TIAM2: variants seen among roughly 807,000 people sequenced by gnomAD.
The protein encoded by TIAM2 is TIAM Rac1 associated GEF 2, also known as rho guanine nucleotide exchange factor TIAM2.
Under a neutral mutation model 152.9 loss-of-function variants are expected in TIAM2, and 80 were observed. The ratio of observed to expected loss-of-function variants is 0.52; its 90% CI spans 0.44 to 0.63. TIAM2 has a LOEUF of 0.63. Ranked by LOEUF, TIAM2 falls within the 30% of genes least tolerant of loss-of-function variation. The pLI, the probability that TIAM2 is intolerant of heterozygous loss-of-function variation, is 0.00. For missense variants in TIAM2, 1,965 were observed against 2,120.1 expected (o/e 0.93, Z 1.44); for synonymous variants, 804 against 838.0 (o/e 0.96, Z 0.70).
At chr6:155,069,911 C>CTT (rs36093906) in intron 1 of TIAM2, among the ~76,000 whole-genome samples, 2,327 of 125,578 alleles carry the variant, frequency 0.019, 34 homozygotes, top group Non-Finnish European at 0.021. Flanking sequence ...CATTTCTTTT[C>CTT]TTTTTTTTTT....
Position 155,211,299 on chromosome 6 carries a change from A to G in TIAM2, c.3160A>G (p.Thr1054Ala), listed in dbSNP as rs1183559553. ...QVSHREKMEQ[T>A]FRSAEQITAL... ...TTCCCACAGGGAGAAAATGGAGCAG[A>G]CATTCAGGGTAAGATACTGGCCCAA... Residue 1054 changes from threonine to alanine, a missense_variant, in exon 15 of 27, where the codon ACA becomes GCA. Thr to Ala is a moderately conservative substitution (Grantham distance 58). Around this residue, in one of 3 missense-constraint regions of TIAM2, gnomAD observed 935 missense variants for 980.0 expected, o/e 0.95. Coordinates refer to ENST00000682666, the MANE Select transcript of TIAM2 (RefSeq NM_012454.4). 1 of 1,613,274 alleles carries G rather than the reference A, an allele frequency of 6.2e-7. No homozygotes were observed. The highest frequency in any genetic ancestry group is 8.5e-7 in the Non-Finnish European group (1 of 1,179,316).
chr6:155,212,835 G>A (rs1168360873), intron 15 of TIAM2, among the ~76,000 whole-genome samples: 1 of 152,202 alleles, frequency 6.6e-6, no homozygotes, highest in Non-Finnish European at 1.5e-5. Context: ...TGTGGGGTCT[G>A]GCCACCACAC....
chr6:155,195,799 G>T (rs561649253), intron 14 of TIAM2, among the ~76,000 whole-genome samples: 1 of 152,232 alleles, frequency 6.6e-6, no homozygotes, highest in African/African-American at 2.4e-5. Context: ...GTGGCCGTCA[G>T]GGGGCAAAGC....
rs183280293 is a variant in TIAM2 at position 155,186,681 on chromosome 6, C to T, written c.3064+3181C>T. Among the ~76,000 whole-genome samples, 21 of 152,304 alleles carry T rather than the reference C, an allele frequency of 1.4e-4. No homozygotes were observed. The highest frequency in any genetic ancestry group is 3.4e-4 in the African/African-American group (14 of 41,554). On this transcript the variant is annotated intron_variant, in intron 14 of 26. Transcript: ENST00000682666. The surrounding 1 kb of genome is among the most constrained non-coding windows in gnomAD (Gnocchi z 4.5). ...AAACGTGCTTCTCCTCCTCCTCCCT[C>T]GCTTTTGCAGCTTCCTGTTTTATTA...
chr6:155,199,755 A>G (rs1013053637), intron 14 of TIAM2, among the ~76,000 whole-genome samples: 14 of 152,188 alleles, frequency 9.2e-5, no homozygotes, highest in African/African-American at 2.9e-4. Flanking sequence ...TTCCCTCCTT[A>G]AATAGAGTCA....
chr6:155,144,892 G>A, intron 6 of TIAM2, 114 bp downstream of exon 6: 2 of 1,278,800 alleles, frequency 1.6e-6, no homozygotes, highest in South Asian at 2.9e-5. Flanking sequence ...TTAGGCTTTG[G>A]ATTTGGCCTT....
chr6:155,070,209 CTTTTTTTTTT>C (rs559307371), intron 1 of TIAM2, among the ~76,000 whole-genome samples: 1 of 44,126 alleles, frequency 2.3e-5, no homozygotes, highest in Non-Finnish European at 3.7e-5. Flanking sequence ...CCTGGCCAGA[CTTTTTTTTTT>C]TTTTTTTTTT....
intron 2 of TIAM2, among the ~76,000 whole-genome samples, chr6:155,104,540 G>A (rs1219055327): frequency 2.6e-5 from 4 of 152,220 alleles, no homozygotes; most frequent in East Asian, 3.9e-4. Flanking sequence ...GGCAGATCAT[G>A]AGGTCAGGAG....
Position 155,248,052 on chromosome 6 carries a change from G to C in TIAM2, c.3705G>C (p.Lys1235Asn). ...KAFLDARNPT[K>N]QHSSTLESYL... ...TTCTGGACGCCCGGAACCCCACCAAGCAGCATTCCTCCACGCTGGAGTCCT... is the reference window on the plus strand; with the variant it reads ...TTCTGGACGCCCGGAACCCCACCAACCAGCATTCCTCCACGCTGGAGTCCT... Residue 1235 changes from lysine (K) to asparagine (N), a missense_variant, in exon 20 of 27, where the codon AAG becomes AAC. Physicochemically the swap from Lys to Asn is moderately conservative, Grantham distance 94. Transcript: ENST00000682666. The C allele has an allele frequency of 6.2e-7, 1 of 1,614,214 alleles. No individual in the cohort carries two copies. Among genetic ancestry groups the C allele is most frequent in the Non-Finnish European group, 8.5e-7 (1 of 1,180,030 alleles).
chr6:155,129,717 C>T lies in TIAM2; in HGVS notation c.494C>T (p.Thr165Met), dbSNP rs375863554. The T allele has an allele frequency of 1.2e-4, 189 of 1,613,972 alleles. No homozygotes were observed. Among genetic ancestry groups the T allele is most frequent in the East Asian group, 6.9e-4 (31 of 44,890 alleles). Residue 165 changes from threonine (T) to methionine (M), a missense_variant, in exon 4 of 27, where the codon ACG becomes ATG. Thr to Met is a moderately conservative substitution (Grantham distance 81). This residue lies in a region of TIAM2 where 1,025 missense variants were observed against 1,119.4 expected (regional missense o/e 0.92). Coordinates refer to ENST00000682666, the MANE Select transcript of TIAM2 (RefSeq NM_012454.4). The surrounding 1 kb of genome is among the most constrained non-coding windows in gnomAD (Gnocchi z 4.8). ...DRKSPRVLIK[T>M]LGKLDGCLRV... ...AAGAGCCCCCGAGTGCTCATCAAAACGCTGGGGAAGCTGGATGGGTGTTTA... is the reference window on the plus strand; with the variant it reads ...AAGAGCCCCCGAGTGCTCATCAAAATGCTGGGGAAGCTGGATGGGTGTTTA...
Position 155,218,285 on chromosome 6 carries a change from C to T in TIAM2, c.3168+6978C>T, listed in dbSNP as rs927674297. ...TTTTAATGCACGGAGAGATGGCCTC[C>T]TCAAGGCAAACGCTTTGTCCCTGAA... On this transcript the variant is annotated intron_variant, in intron 15 of 26. Transcript: ENST00000682666. The surrounding 1 kb of genome is among the most constrained non-coding windows in gnomAD (Gnocchi z 4.5). 2.0e-5 allele frequency among the ~76,000 whole-genome samples: 3 copies of T among 152,308 alleles called. No individual in the cohort carries two copies. The highest frequency in any genetic ancestry group is 4.8e-5 in the African/African-American group (2 of 41,550).
At chr6:155,244,816 A>G in intron 18 of TIAM2, 33 bp downstream of exon 18, 1 of 1,580,720 alleles carries the variant, frequency 6.3e-7, no homozygotes, top group Non-Finnish European at 8.6e-7. Flanking sequence ...TAAAGTAAAA[A>G]TACGTGGCTA....
In TIAM2 at chr6:155,129,595, A is replaced by G. The variant is rs1779388838; in HGVS notation, c.372A>G (p.Ala124=). 1.2e-6 allele frequency: 2 copies of G among 1,614,050 alleles called. No homozygotes were observed. Among genetic ancestry groups the G allele is most frequent in the Admixed American group, 1.7e-5 (1 of 60,006 alleles). ...TCCACTCTGTTGGCCACGAGCTGGCAGATAACCACATCACCTCCAGAGACT... is the reference window on the plus strand; with the variant it reads ...TCCACTCTGTTGGCCACGAGCTGGCGGATAACCACATCACCTCCAGAGACT... The part of the protein sequence containing the change: ...NGFHSVGHEL[A]DNHITSRDCN... The change falls in exon 4 of 27, where the codon GCA becomes GCG. Residue 124 remains alanine, a synonymous_variant. Transcript: ENST00000682666. The surrounding 1 kb of genome is among the most constrained non-coding windows in gnomAD (Gnocchi z 4.8).
intron 2 of TIAM2, among the ~76,000 whole-genome samples, chr6:155,092,642 G>A (rs773609606): frequency 8.3e-4 from 126 of 151,782 alleles, no homozygotes; most frequent in Non-Finnish European, 1.6e-3. Context: ...GATCACCTGA[G>A]GTCGGGAGTT....
At chr6:155,172,665 T>TAG (rs1780629075) in intron 9 of TIAM2, among the ~76,000 whole-genome samples, 1 of 8,066 alleles carries the variant, frequency 1.2e-4, no homozygotes, top group African/African-American at 4.7e-4. Context: ...TATATATATA[T>TAG]ATATATATAT....
chr6:155,067,641 G>GA (rs546894158), intron 1 of TIAM2, among the ~76,000 whole-genome samples: 5,858 of 67,434 alleles, frequency 0.087, 405 homozygotes, highest in African/African-American at 0.2. Context: ...TGATGATGAT[G>GA]TTGATGATGA....
At chr6:155,155,485 A>T (rs969590151) in intron 7 of TIAM2, among the ~76,000 whole-genome samples, 11 of 146,142 alleles carry the variant, frequency 7.5e-5, no homozygotes, top group African/African-American at 2.8e-4. Context: ...TTTATTTTCT[A>T]TTTTTTTGAA....
At chr6:155,225,720 T>C (rs1180973976) in intron 15 of TIAM2, among the ~76,000 whole-genome samples, 2 of 152,238 alleles carry the variant, frequency 1.3e-5, no homozygotes, top group East Asian at 3.8e-4. Context: ...TCTTATTCCA[T>C]TTCTGTTAGA....
At chr6:155,217,550 A>G (rs1302076429) in intron 15 of TIAM2, among the ~76,000 whole-genome samples, 1 of 152,258 alleles carries the variant, frequency 6.6e-6, no homozygotes, top group Non-Finnish European at 1.5e-5. Flanking sequence ...TAATACTGTA[A>G]AAGAAAATTC....
Sources: allele counts gnomAD v4.1 joint callset (sites outside exome capture counted in the v4.1 genomes callset), GRCh38; gene constraint gnomAD v4.1.1; regional missense constraint gnomAD v4.1.1; non-coding constraint Gnocchi (gnomAD v3.1); transcripts MANE v1.5; gene names NCBI Gene and HGNC (gene_info 2026-07-23, HGNC 2026-07-21).